NHLH2: variants seen among roughly 807,000 people sequenced by gnomAD.
NHLH2 encodes helix-loop-helix protein 2.
In NHLH2, 7 loss-of-function variants were observed where a neutral mutation model predicts 7.3. That is an observed-to-expected ratio of 0.96 (90% CI 0.55 to 1.81). The LOEUF is 1.81. NHLH2 is among the 40% of genes most tolerant of loss of function. The probability of loss-of-function intolerance (pLI) is 0.00; values close to 1 mark genes in which losing one functional copy is unlikely to be tolerated. For missense variants in NHLH2, 155 were observed against 194.0 expected (o/e 0.80, Z 1.19); for synonymous variants, 93 against 91.6 (o/e 1.01, Z -0.09).
chr1:115,831,642 G>A (rs1196703107), downstream of NHLH2, among the ~76,000 whole-genome samples: 1 of 150,700 alleles, frequency 6.6e-6, no homozygotes, highest in Admixed American at 6.6e-5. Flanking sequence ...TGTCTGGCTG[G>A]GCGCGGTGGC....
In NHLH2 at chr1:115,837,409, C is replaced by T. The variant is rs1032486564; in HGVS notation, c.*556G>A. 3 of 152,824 alleles carry T rather than the reference C, an allele frequency of 2.0e-5. No homozygotes were observed. The highest frequency in any genetic ancestry group is 7.2e-5 in the African/African-American group (3 of 41,436). The allele number at this position is 152,824 out of a possible 1,614,324, so 9.5% of individuals were successfully genotyped here. On this transcript the variant is annotated 3_prime_UTR_variant, in exon 3 of 3. Transcript: ENST00000320238. ...TAAATATTCAGGGTTTATTTGGATT[C>T]TAATATAATCTTTATTTTCACAACA...
downstream of NHLH2, among the ~76,000 whole-genome samples, chr1:115,834,257 G>T (rs1318243468): frequency 6.6e-6 from 1 of 152,212 alleles, no homozygotes; most frequent in Non-Finnish European, 1.5e-5. Context: ...CCATTTGGGT[G>T]GAGAAATATT....
chr1:115,834,987 G>A (rs1650834237), downstream of NHLH2, among the ~76,000 whole-genome samples: 1 of 152,198 alleles, frequency 6.6e-6, no homozygotes, highest in African/African-American at 2.4e-5. Flanking sequence ...CTAGCAGACT[G>A]CCACCATGCT....
rs949959303 is a variant in NHLH2, at chr1:115,837,710, G to C, written c.*255C>G. On this transcript the variant is annotated 3_prime_UTR_variant, in exon 3 of 3. Coordinates refer to ENST00000320238, the MANE Select transcript of NHLH2 (RefSeq NM_005599.3). ...TGGCTCATCTCGGGTGTCTCCACGA[G>C]GTTCTCCTGGCCTGGAAAATCCCCC... 8.1e-6 allele frequency: 4 copies of C among 493,142 alleles called. No individual in the cohort carries two copies. The highest frequency in any genetic ancestry group is 1.4e-5 in the Non-Finnish European group (4 of 281,802). 30.5% of individuals were successfully genotyped at this position (493,142 alleles called of 1,614,324 possible).
Position 115,837,558 on chromosome 1 carries a change from T to TA in NHLH2, c.*406dup, listed in dbSNP as rs1352905086. ...AGAAAAATTCCAGATAGCCTAAAGT[T>TA]ATGAGCCTGCATACTCTGAACTTCT... is the stretch of plus-strand genomic sequence containing the variant. On this transcript the variant is annotated 3_prime_UTR_variant, in exon 3 of 3. Transcript: ENST00000320238. The TA allele has an allele frequency of 5.3e-6, 1 of 189,918 alleles. No homozygotes were observed. The highest frequency in any genetic ancestry group is 1.1e-5 in the Non-Finnish European group (1 of 93,942). The allele number at this position is 189,918 out of a possible 1,614,324, so 11.8% of individuals were successfully genotyped here.
intron 2 of NHLH2, 153 bp from the exon 3 acceptor site, chr1:115,838,533 G>T (rs1161740160): frequency 2.4e-6 from 2 of 818,210 alleles, no homozygotes; most frequent in Non-Finnish European, 3.8e-6. Flanking sequence ...GGAGGGCGCC[G>T]ATAGGATCTG....
chr1:115,840,467 A>G lies in NHLH2; in HGVS notation c.-260T>C, dbSNP rs115452016. The G allele has an allele frequency of 4.1e-3, 682 of 167,058 alleles. 7 individuals carry two copies. Among genetic ancestry groups the G allele is most frequent in the African/African-American group, 0.016 (652 of 41,562 alleles). The allele number at this position is 167,058 out of a possible 1,614,324, so 10.3% of individuals were successfully genotyped here. On this transcript the variant is annotated 5_prime_UTR_variant, in exon 2 of 3. Coordinates refer to ENST00000320238, the MANE Select transcript of NHLH2 (RefSeq NM_005599.3). ...GCTTTTTCCTTTTAATTGTTCTCAAACATTGCAAGAAATTCGTTGATGATT... is the reference window on the plus strand; with the variant it reads ...GCTTTTTCCTTTTAATTGTTCTCAAGCATTGCAAGAAATTCGTTGATGATT...
At chr1:115,834,297 G>C (rs1403701865), downstream of NHLH2, among the ~76,000 whole-genome samples, 7 of 152,234 alleles carry the variant, frequency 4.6e-5, no homozygotes, top group Non-Finnish European at 1.5e-5. Flanking sequence ...CGCTGGGCCA[G>C]CTGGGGCTAG....
chr1:115,837,610 T>G lies in NHLH2; in HGVS notation c.*355A>C. 3.7e-6 allele frequency: 1 copy of G among 270,482 alleles called. No homozygotes were observed. The highest frequency in any genetic ancestry group is 7.0e-6 in the Non-Finnish European group (1 of 143,586). 16.8% of individuals were successfully genotyped at this position (270,482 alleles called of 1,614,324 possible). A position where few individuals can be genotyped will look rare whatever the true frequency, so the allele number is the denominator to read the frequency against. On this transcript the variant is annotated 3_prime_UTR_variant, in exon 3 of 3. Transcript: ENST00000320238. ...CCCTCATTCTTTCAACACATTAAGA[T>G]TTGTGGCGGATGAATGTAGGAGAAC...
chr1:115,833,437 CT>C (rs915989022), downstream of NHLH2, among the ~76,000 whole-genome samples: 1 of 152,102 alleles, frequency 6.6e-6, no homozygotes, highest in Non-Finnish European at 1.5e-5. Flanking sequence ...TGAGCTGAAG[CT>C]TTCCCTAGGC....
chr1:115,834,050 A>G (rs1181013424), downstream of NHLH2, among the ~76,000 whole-genome samples: 3 of 152,192 alleles, frequency 2.0e-5, no homozygotes, highest in African/African-American at 4.8e-5. Context: ...TATTCCCTCC[A>G]GAGTCCCCCA....
At chr1:115,840,743 A>T (rs76065687) in intron 1 of NHLH2, 199 bp from the exon 2 acceptor site, 8 of 142,002 alleles carry the variant, frequency 5.6e-5, no homozygotes, top group South Asian at 2.2e-4. Context: ...CTCAGAAGTG[A>T]TTTTTTTTTT....
At position 115,837,934 on chromosome 1, in the gene NHLH2, G is replaced by C; in HGVS notation, c.*31C>G. ...GATCCGTAGCGTTTCGCGGACGCCG[G>C]GACAGGCGGCCCCCCGCGGCGCACC... is the stretch of plus-strand genomic sequence containing the variant. On this transcript the variant is annotated 3_prime_UTR_variant, in exon 3 of 3. Coordinates refer to ENST00000320238, the MANE Select transcript of NHLH2 (RefSeq NM_005599.3). The C allele has an allele frequency of 1.3e-6, 2 of 1,581,932 alleles. No homozygotes were observed. The highest frequency in any genetic ancestry group is 1.7e-6 in the Non-Finnish European group (2 of 1,166,402).
chr1:115,840,743 ATTTTTTTTT>A (rs34163403), intron 1 of NHLH2, 196 bp downstream of exon 1: 4 of 141,928 alleles, frequency 2.8e-5, no homozygotes, highest in Non-Finnish European at 6.1e-5. Context: ...CTCAGAAGTG[ATTTTTTTTT>A]TTTTTTTGAG....
chr1:115,837,522 A>G lies in NHLH2; in HGVS notation c.*443T>C. 5.9e-6 allele frequency: 1 copy of G among 168,560 alleles called. No individual in the cohort carries two copies. The allele number at this position is 168,560 out of a possible 1,614,324, so 10.4% of individuals were successfully genotyped here. On this transcript the variant is annotated 3_prime_UTR_variant, in exon 3 of 3. Transcript: ENST00000320238. ...CTCTCCTCCTTCCCAGTGTTTGGTG[A>G]TTTGTCCATTAGAAAAATTCCAGAT...
chr1:115,833,714 G>A (rs114521507), downstream of NHLH2, among the ~76,000 whole-genome samples: 84 of 152,336 alleles, frequency 5.5e-4, no homozygotes, highest in African/African-American at 1.9e-3. Context: ...AAGCACTTTA[G>A]TAAGCATGTA....
At chr1:115,835,349 G>A (rs982866121), downstream of NHLH2, among the ~76,000 whole-genome samples, 8 of 152,140 alleles carry the variant, frequency 5.3e-5, no homozygotes, top group African/African-American at 1.7e-4. Context: ...AACTAGGAGT[G>A]GTTATCCTTC....
At chr1:115,833,906 A>G (rs764636683), downstream of NHLH2, among the ~76,000 whole-genome samples, 2 of 152,182 alleles carry the variant, frequency 1.3e-5, no homozygotes, top group African/African-American at 2.4e-5. Flanking sequence ...AGCAGTGAGG[A>G]GAGTTGGATA....
At position 115,837,977 on chromosome 1, in the gene NHLH2, G is replaced by A. The variant is rs1416729429; in HGVS notation, c.396C>T (p.Val132=). 1 of 1,602,906 alleles carries A rather than the reference G, an allele frequency of 6.2e-7. No homozygotes were observed. The highest frequency in any genetic ancestry group is 8.5e-7 in the Non-Finnish European group (1 of 1,175,738). Residue 132 remains valine (V), a synonymous_variant, in exon 3 of 3, where the codon GTC becomes GTT. Coordinates refer to ENST00000320238, the MANE Select transcript of NHLH2 (RefSeq NM_005599.3). ...AICYISYLNH[V]LDV ...GGCGCACCCCGCCCTACACGTCCAGGACGTGGTTGAGATAGGAGATGTAGC... is the reference window on the plus strand; with the variant it reads ...GGCGCACCCCGCCCTACACGTCCAGAACGTGGTTGAGATAGGAGATGTAGC...
Sources: gnomAD v4.1 joint callset for allele counts (sites outside exome capture counted in the v4.1 genomes callset) on GRCh38, gnomAD v4.1.1 for gene constraint, MANE v1.5 for transcripts, NCBI Gene and HGNC (gene_info 2026-07-23, HGNC 2026-07-21) for gene names.